The following SYT1 variants were observed in gnomAD, a reference collection of about 807,000 sequenced individuals.
SYT1 encodes the protein synaptotagmin-1.
In SYT1, 8 loss-of-function variants were observed where a neutral mutation model predicts 44.8. The ratio of observed to expected loss-of-function variants is 0.18; its 90% CI spans 0.10 to 0.32. The LOEUF is 0.32. Among genes scored for constraint, SYT1 ranks in the 10% least tolerant of loss-of-function variants. The pLI is 1.00. For missense variants in SYT1, 286 were observed against 509.3 expected, an observed-to-expected ratio of 0.56 and a Z score of 4.22; for synonymous variants, 154 against 188.8, an observed-to-expected ratio of 0.82 and a Z score of 1.51.
At chr12:79,250,487 A>G (rs1269646603) in intron 4 of SYT1, among the ~76,000 whole-genome samples, 1 of 152,222 alleles carries the variant, frequency 6.6e-6, no homozygotes. Flanking sequence ...TTTGAGGGTA[A>G]TTACCGTGCA....
At chr12:78,962,983 G>A (rs926175254) in intron 1 of SYT1, among the ~76,000 whole-genome samples, 12 of 151,748 alleles carry the variant, frequency 7.9e-5, no homozygotes, top group Non-Finnish European at 1.5e-4. Flanking sequence ...CCCTAGTCTC[G>A]GGCAACCACC....
chr12:79,152,610 A>G (rs892389011), intron 3 of SYT1, among the ~76,000 whole-genome samples: 1 of 152,122 alleles, frequency 6.6e-6, no homozygotes, highest in Admixed American at 6.6e-5. Flanking sequence ...TTTATCCATT[A>G]TATCTATTCT....
chr12:79,252,325 T>TATCATCATCATC (rs528291466), intron 4 of SYT1, among the ~76,000 whole-genome samples: 24 of 152,180 alleles, frequency 1.6e-4, no homozygotes, highest in African/African-American at 5.5e-4. Context: ...TAAGGATTAT[T>TATCATCATCATC]ATCATCATCA....
At chr12:79,366,894 C>CTGTGTGTGTGTG (rs3995413) in intron 9 of SYT1, among the ~76,000 whole-genome samples, 217 of 117,462 alleles carry the variant, frequency 1.8e-3, no homozygotes, top group Admixed American at 2.9e-3. Context: ...ATAAATAATA[C>CTGTGTGTGTGTG]TGTGTGTGTG....
rs61756211 is a variant in SYT1, at chr12:79,449,113, G to A, written c.1258G>A (p.Val420Ile). The A allele has an allele frequency of 2.8e-3, 4,461 of 1,609,670 alleles. 14 individuals are homozygous for A. Among genetic ancestry groups the A allele is most frequent in the Middle Eastern group, 3.8e-3 (23 of 6,052 alleles). Residue 420 changes from valine (V) to isoleucine (I), a missense_variant, in exon 11 of 11, where the codon GTC becomes ATC. Physicochemically the swap from Val to Ile is conservative, Grantham distance 29. Transcript: ENST00000261205. ...VEEEVDAMLA[V>I]KK ...GGAGGAAGTTGATGCCATGCTGGCC[G>A]TCAAGAAGTAAAGGAAAGAAGAAGC...
intron 1 of SYT1, among the ~76,000 whole-genome samples, chr12:78,912,057 G>C (rs1033678220): frequency 6.6e-6 from 1 of 151,794 alleles, no homozygotes; most frequent in African/African-American, 2.4e-5. Flanking sequence ...ATTTCTGAAA[G>C]TTTTCTCTGT....
intron 3 of SYT1, among the ~76,000 whole-genome samples, chr12:79,196,295 G>A (rs1203329297): frequency 6.6e-6 from 1 of 152,026 alleles, no homozygotes; most frequent in Non-Finnish European, 1.5e-5. Context: ...AGCCTCCCAA[G>A]TAGCTGGGAC....
At chr12:78,987,152 T>C (rs1869698464) in intron 2 of SYT1, among the ~76,000 whole-genome samples, 1 of 152,052 alleles carries the variant, frequency 6.6e-6, no homozygotes, top group Non-Finnish European at 1.5e-5. Flanking sequence ...GAAGCAGTCT[T>C]TGACAAACAC....
chr12:79,160,808 G>GA (rs1870901814), intron 3 of SYT1, among the ~76,000 whole-genome samples: 2 of 152,130 alleles, frequency 1.3e-5, no homozygotes, highest in African/African-American at 4.8e-5. Context: ...ATTGCCAAGA[G>GA]AAAAAATATA....
At chr12:79,291,928 A>T in intron 5 of SYT1, 80 bp from the exon 6 acceptor site, 1 of 1,550,864 alleles carries the variant, frequency 6.4e-7, no homozygotes, top group Non-Finnish European at 8.9e-7. Context: ...AACAGCTTGG[A>T]AGTGTAACTA....
Position 79,046,843 on chromosome 12 carries a change from C to T in SYT1, c.-83-454C>T, listed in dbSNP as rs73351493. ...GTATAACATATTGAGGTGTTTCTAA[C>T]ATCGGTGAAAAATATAAAACTTAAA... On this transcript the variant is annotated intron_variant, in intron 2 of 10. Transcript: ENST00000261205. 4.8e-3 allele frequency among the ~76,000 whole-genome samples: 735 copies of T among 151,956 alleles called. 7 individuals carry two copies. Among genetic ancestry groups the T allele is most frequent in the African/African-American group, 0.017 (698 of 41,514 alleles).
At chr12:79,204,579 A>G (rs1167144423) in intron 3 of SYT1, among the ~76,000 whole-genome samples, 1 of 152,212 alleles carries the variant, frequency 6.6e-6, no homozygotes, top group East Asian at 1.9e-4. Flanking sequence ...ATAACTACCA[A>G]AAGCATCTAG....
chr12:78,913,834 A>C (rs894110371), intron 1 of SYT1, among the ~76,000 whole-genome samples: 1 of 151,920 alleles, frequency 6.6e-6, no homozygotes, highest in African/African-American at 2.4e-5. Flanking sequence ...AGTCACATAC[A>C]TGGGGATATT....
intron 4 of SYT1, among the ~76,000 whole-genome samples, chr12:79,223,073 G>C (rs754348021): frequency 6.6e-6 from 1 of 152,000 alleles, no homozygotes; most frequent in Non-Finnish European, 1.5e-5. Context: ...TTAGTTATTT[G>C]GAATTATTTG....
At chr12:79,047,591 G>A (rs17273032) in intron 3 of SYT1, among the ~76,000 whole-genome samples, 16,851 of 151,704 alleles carry the variant, frequency 0.11, 1,246 homozygotes, top group Non-Finnish European at 0.17. Flanking sequence ...GGCAGAAAAC[G>A]TTTATGATGA....
intron 9 of SYT1, among the ~76,000 whole-genome samples, chr12:79,371,549 C>G (rs752635671): frequency 3.3e-5 from 5 of 152,176 alleles, no homozygotes; most frequent in African/African-American, 4.8e-5. Flanking sequence ...CAGTGTGTTT[C>G]TTATTTCTGC....
rs139052779 is a variant in SYT1 at position 79,162,590 on chromosome 12, A to T, written c.-17-54913A>T. On this transcript the variant is annotated intron_variant, in intron 3 of 10. Coordinates refer to ENST00000261205, the MANE Select transcript of SYT1 (RefSeq NM_005639.3). ...AACTGCTACTATTTTTGTGCTGAGC[A>T]CTATATGCTAATGTAACCTAGTATT... Among the ~76,000 whole-genome samples, 34 of 152,256 alleles carry T rather than the reference A, an allele frequency of 2.2e-4. 1 individual carries two copies. In the East Asian group the frequency reaches 4.5e-3, roughly 20 times the overall value.
At chr12:79,300,789 T>TTTATATATA (rs1490670835) in intron 8 of SYT1, among the ~76,000 whole-genome samples, 1 of 89,624 alleles carries the variant, frequency 1.1e-5, no homozygotes, top group Non-Finnish European at 2.2e-5. Context: ...TGTATACTTA[T>TTTATATATA]TATATATATA....
Position 79,089,080 on chromosome 12 carries a change from A to G in SYT1, c.-18+41718A>G, listed in dbSNP as rs1286147913. On this transcript the variant is annotated intron_variant, in intron 3 of 10. Transcript: ENST00000261205. ...TTAACCTGGGTTAGGAAAGATGGAT[A>G]GAGATAAAAGAGAAAAGAATGTGAG... Among the ~76,000 whole-genome samples, 4 of 152,196 alleles carry G rather than the reference A, an allele frequency of 2.6e-5. No homozygotes were observed. The East Asian group carries it at 7.7e-4, about 29-fold the overall frequency.
Sources: gnomAD v4.1 joint callset for allele counts (sites outside exome capture counted in the v4.1 genomes callset) on GRCh38, gnomAD v4.1.1 for gene constraint, MANE v1.5 for transcripts, NCBI Gene and HGNC (gene_info 2026-07-23, HGNC 2026-07-21) for gene names.